The following NAV2 variants were observed in gnomAD, a reference collection of about 807,000 sequenced individuals.
NAV2 encodes the protein helicase, APC down-regulated 1.
Under a neutral mutation model 223.2 loss-of-function variants are expected in NAV2, and 54 were observed. That is an observed-to-expected ratio of 0.24 (90% CI 0.19 to 0.30). The LOEUF (loss-of-function observed/expected upper bound fraction) is 0.30, where lower values mean the gene tolerates loss of function less well. Among genes scored for constraint, NAV2 ranks in the 10% least tolerant of loss-of-function variants. NAV2 has a pLI of 1.00. For synonymous variants in NAV2, 1,279 were observed against 1,239.3 expected, an observed-to-expected ratio of 1.03 and a Z score of -0.67; for missense variants, 2,806 against 3,147.5, an observed-to-expected ratio of 0.89 and a Z score of 2.60.
At chr11:19,528,823 G>A (rs192198582) in intron 1 of NAV2, among the ~76,000 whole-genome samples, 59 of 151,862 alleles carry the variant, frequency 3.9e-4, no homozygotes, top group Admixed American at 1.1e-3. Flanking sequence ...CCAGCTACTC[G>A]GGAGGCTGAG....
intron 4 of NAV2, among the ~76,000 whole-genome samples, chr11:19,878,624 C>T (rs979778835): frequency 1.3e-5 from 2 of 152,098 alleles, no homozygotes; most frequent in African/African-American, 4.8e-5. Context: ...TCTAGAAGTT[C>T]GTATTGTCAG....
At chr11:20,053,082 G>A (rs530240490) in intron 17 of NAV2, among the ~76,000 whole-genome samples, 51 of 152,002 alleles carry the variant, frequency 3.4e-4, no homozygotes, top group African/African-American at 1.2e-3. Flanking sequence ...GCTGGGCATG[G>A]TGGCACATGC....
In NAV2 at chr11:19,862,936, G is replaced by C. The variant is rs149431017; in HGVS notation, c.439-5989G>C. Among the ~76,000 whole-genome samples, 303 of 152,242 alleles carry C rather than the reference G, an allele frequency of 2.0e-3. 3 individuals carry two copies. Among genetic ancestry groups the C allele is most frequent in the African/African-American group, 6.8e-3 (283 of 41,538 alleles). ...GTTTTTTTCTTCTTTTTTAGTTTTG[G>C]AAAGAGACAGAGGAAGGGGTATTAG... On this transcript the variant is annotated intron_variant, in intron 3 of 37. Coordinates refer to ENST00000349880, the MANE Select transcript of NAV2 (RefSeq NM_145117.5).
chr11:19,975,769 T>C (rs1322123134), intron 10 of NAV2, among the ~76,000 whole-genome samples: 2 of 152,194 alleles, frequency 1.3e-5, no homozygotes, highest in East Asian at 3.8e-4. Flanking sequence ...TTGTAGAGTG[T>C]GTTGAAGCAT....
chr11:19,629,931 A>G (rs949182557), intron 1 of NAV2, among the ~76,000 whole-genome samples: 4 of 152,210 alleles, frequency 2.6e-5, no homozygotes, highest in African/African-American at 9.6e-5. Flanking sequence ...CTCTCACTAT[A>G]ATAATCCTCA....
intron 1 of NAV2, among the ~76,000 whole-genome samples, chr11:19,598,830 A>G (rs992352534): frequency 1.3e-5 from 2 of 152,190 alleles, no homozygotes; most frequent in African/African-American, 4.8e-5. Context: ...CAATGCAAAT[A>G]TCCCCCGTGA....
intron 1 of NAV2, among the ~76,000 whole-genome samples, chr11:19,489,439 A>G (rs2042551769): frequency 6.6e-6 from 1 of 152,234 alleles, no homozygotes; most frequent in South Asian, 2.1e-4. Context: ...AGTTTCATAC[A>G]GAGTAGTGCT....
At chr11:19,536,149 A>G (rs1247092308) in intron 1 of NAV2, among the ~76,000 whole-genome samples, 1 of 152,200 alleles carries the variant, frequency 6.6e-6, no homozygotes, top group Non-Finnish European at 1.5e-5. Context: ...GTCCCTGTTA[A>G]TCTTCCAAGC....
intron 1 of NAV2, among the ~76,000 whole-genome samples, chr11:19,501,543 T>C (rs935480536): frequency 4.6e-5 from 7 of 151,944 alleles, no homozygotes; most frequent in African/African-American, 1.7e-4. Flanking sequence ...CAAAAACAGA[T>C]CTTGAGGCAG....
chr11:19,799,277 C>G (rs1262806761), intron 1 of NAV2, among the ~76,000 whole-genome samples: 1 of 152,174 alleles, frequency 6.6e-6, no homozygotes, highest in African/African-American at 2.4e-5. Flanking sequence ...GAACTGCCAG[C>G]ATAGAACATT....
At chr11:19,447,615 C>A (rs190889130) in intron 1 of NAV2, among the ~76,000 whole-genome samples, 13 of 152,324 alleles carry the variant, frequency 8.5e-5, no homozygotes, top group African/African-American at 3.1e-4. Flanking sequence ...ACCCTGAATT[C>A]TTACAACACT....
intron 10 of NAV2, among the ~76,000 whole-genome samples, chr11:19,950,626 A>G (rs1244002294): frequency 6.6e-6 from 1 of 152,254 alleles, no homozygotes; most frequent in South Asian, 2.1e-4. Flanking sequence ...TGTTACTTTT[A>G]GAACTATCTT....
intron 1 of NAV2, among the ~76,000 whole-genome samples, chr11:19,552,261 C>CA (rs1428260889): frequency 6.6e-6 from 1 of 152,192 alleles, no homozygotes; most frequent in Non-Finnish European, 1.5e-5. Flanking sequence ...GAGCTGGAGT[C>CA]ACTGGGAATC....
At chr11:19,703,809 T>A (rs1431045479) in intron 1 of NAV2, among the ~76,000 whole-genome samples, 1 of 152,214 alleles carries the variant, frequency 6.6e-6, no homozygotes, top group Non-Finnish European at 1.5e-5. Flanking sequence ...CCAGAGAGCT[T>A]TCTCAACATT....
At chr11:19,524,412 G>A (rs141650136) in intron 1 of NAV2, among the ~76,000 whole-genome samples, 7 of 152,308 alleles carry the variant, frequency 4.6e-5, no homozygotes, top group African/African-American at 1.2e-4. Flanking sequence ...TGTGCGTTTC[G>A]TGCCTCCAGT....
Position 19,788,368 on chromosome 11 carries a change from A to C in NAV2, c.268-44116A>C, listed in dbSNP as rs560595775. 9.2e-5 allele frequency among the ~76,000 whole-genome samples: 14 copies of C among 152,342 alleles called. No homozygotes were observed. In the South Asian group the frequency reaches 2.9e-3, roughly 32 times the overall value. ...GTCCCACCACTTAACCAGCTGCACA[A>C]GCCAGAGCTTGAGGCATCATCCTTG... On this transcript the variant is annotated intron_variant, in intron 1 of 37. Coordinates refer to ENST00000349880, the MANE Select transcript of NAV2 (RefSeq NM_145117.5).
chr11:19,371,777 T>G (rs913378726), intron 1 of NAV2, among the ~76,000 whole-genome samples: 1 of 147,680 alleles, frequency 6.8e-6, no homozygotes, highest in Non-Finnish European at 1.5e-5. Context: ...GTTTTTTTTT[T>G]TTTTTTTTTT....
At chr11:19,627,109 C>T (rs376597346) in intron 1 of NAV2, among the ~76,000 whole-genome samples, 88 of 152,166 alleles carry the variant, frequency 5.8e-4, no homozygotes, top group African/African-American at 1.7e-3. Context: ...CCATGTGGGC[C>T]GGGTGCGGTG....
intron 10 of NAV2, among the ~76,000 whole-genome samples, chr11:19,982,924 T>A (rs115222709): frequency 9.5e-4 from 145 of 152,314 alleles, no homozygotes; most frequent in African/African-American, 3.3e-3. Context: ...AAATGGCAAG[T>A]GCAATTAAGC....
Sources: allele counts gnomAD v4.1 joint callset (sites outside exome capture counted in the v4.1 genomes callset), GRCh38; gene constraint gnomAD v4.1.1; transcripts MANE v1.5; gene names NCBI Gene and HGNC (gene_info 2026-07-23, HGNC 2026-07-21).